Variants in NCKAP5 observed in about 807,000 individuals in gnomAD.
NCKAP5 encodes NCK associated protein 5, also known as nck-associated protein 5.
A neutral mutation model predicts 167.0 loss-of-function variants in NCKAP5; 92 were observed. The ratio of observed to expected loss-of-function variants is 0.55; its 90% CI spans 0.47 to 0.66. NCKAP5 has a LOEUF of 0.66. Ranked by LOEUF, NCKAP5 falls within the 30% of genes least tolerant of loss-of-function variation. NCKAP5 has a pLI of 0.00. For synonymous variants in NCKAP5, 891 were observed against 877.4 expected (o/e 1.02, Z -0.27); for missense variants, 2,378 against 2,315.0 (o/e 1.03, Z -0.56).
chr2:133,188,995 A>G (rs768600813), intron 5 of NCKAP5, among the ~76,000 whole-genome samples: 1 of 152,182 alleles, frequency 6.6e-6, no homozygotes, highest in Non-Finnish European at 1.5e-5. Flanking sequence ...TGAATCCAGG[A>G]GCTGGTTTTT....
At chr2:133,038,601 TA>T (rs1316531535) in intron 6 of NCKAP5, among the ~76,000 whole-genome samples, 6 of 152,150 alleles carry the variant, frequency 3.9e-5, no homozygotes, top group Admixed American at 6.6e-5. Context: ...ATTGCACATT[TA>T]AAAATAACCT....
intron 5 of NCKAP5, among the ~76,000 whole-genome samples, chr2:133,159,250 C>T (rs557339686): frequency 8.5e-5 from 13 of 152,174 alleles, no homozygotes; most frequent in African/African-American, 2.9e-4. Context: ...GGTTGGTCCC[C>T]GGTTAAAACA....
At chr2:133,390,359 T>C (rs763908440) in intron 3 of NCKAP5, among the ~76,000 whole-genome samples, 2 of 152,222 alleles carry the variant, frequency 1.3e-5, no homozygotes, top group Non-Finnish European at 2.9e-5. Flanking sequence ...CTGTTGAATG[T>C]GGCTATTATG....
At chr2:133,575,058 G>T in the NCKAP5 span, among the ~76,000 whole-genome samples, 1 of 152,304 alleles carries the variant, frequency 6.6e-6, no homozygotes, top group Non-Finnish European at 1.5e-5. Flanking sequence ...TTTCTCCCGG[G>T]AAAAATTGCC....
chr2:132,712,753 A>G (rs2566521), intron 19 of NCKAP5, among the ~76,000 whole-genome samples: 98,456 of 152,092 alleles, frequency 0.65, 31,977 homozygotes, highest in East Asian at 0.86. Flanking sequence ...GTAAGCACTT[A>G]CCATGTGCCA....
At chr2:133,661,609 T>C in the NCKAP5 span, among the ~76,000 whole-genome samples, 2 of 152,232 alleles carry the variant, frequency 1.3e-5, no homozygotes, top group Non-Finnish European at 2.9e-5. Flanking sequence ...GCTACCATAA[T>C]GCGATCCAGT....
intron 3 of NCKAP5, among the ~76,000 whole-genome samples, chr2:133,447,495 C>G (rs778600580): frequency 2.1e-5 from 3 of 141,398 alleles, no homozygotes; most frequent in African/African-American, 7.8e-5. Context: ...TTCCCCTTCT[C>G]TTCCCTTCCT....
chr2:133,132,982 C>T lies in NCKAP5; in HGVS notation c.208-2871G>A, dbSNP rs116185838. Among the ~76,000 whole-genome samples, 727 of 152,184 alleles carry T rather than the reference C, an allele frequency of 4.8e-3. 12 individuals carry two copies. The highest frequency in any genetic ancestry group is 0.017 in the African/African-American group (687 of 41,536). ...TTAGCCACCACGCCCAGCCTGTACC[C>T]AAATTTAAAAACAGGCTACACATAG... On this transcript the variant is annotated intron_variant, in intron 5 of 19. Transcript: ENST00000409261.
chr2:133,237,519 C>T (rs115701256), intron 4 of NCKAP5, among the ~76,000 whole-genome samples: 80 of 152,288 alleles, frequency 5.3e-4, no homozygotes, highest in Admixed American at 1.5e-3. Flanking sequence ...ATTAATTCCA[C>T]ACACACTTAT....
chr2:133,109,837 A>G (rs953539346), intron 6 of NCKAP5, among the ~76,000 whole-genome samples: 1 of 152,224 alleles, frequency 6.6e-6, no homozygotes, highest in African/African-American at 2.4e-5. Flanking sequence ...TCCCAAAATG[A>G]AGCACAGAAA....
chr2:133,009,398 T>C (rs945679653), intron 6 of NCKAP5, among the ~76,000 whole-genome samples: 4 of 152,170 alleles, frequency 2.6e-5, no homozygotes, highest in African/African-American at 7.2e-5. Context: ...CTTGTGTAGA[T>C]GGAAATTCCC....
chr2:132,692,169 G>A (rs1353730194), intron 19 of NCKAP5, among the ~76,000 whole-genome samples: 1 of 131,778 alleles, frequency 7.6e-6, no homozygotes, highest in African/African-American at 3.0e-5. Context: ...TTGAGACAGA[G>A]TCTCACTCTA....
chr2:133,192,206 T>G (rs2085256544), intron 5 of NCKAP5, among the ~76,000 whole-genome samples: 1 of 151,984 alleles, frequency 6.6e-6, no homozygotes, highest in Non-Finnish European at 1.5e-5. Flanking sequence ...AAAAACAGTC[T>G]TCAAAAAATA....
At chr2:133,340,969 T>C (rs1683538437) in intron 3 of NCKAP5, among the ~76,000 whole-genome samples, 1 of 152,204 alleles carries the variant, frequency 6.6e-6, no homozygotes, top group African/African-American at 2.4e-5. Context: ...GGTACTATTC[T>C]AGTCACCTGC....
At chr2:132,794,229 T>C (rs1235341645) in intron 12 of NCKAP5, among the ~76,000 whole-genome samples, 37 of 20,740 alleles carry the variant, frequency 1.8e-3, no homozygotes, top group African/African-American at 4.0e-3. Context: ...TATACATATA[T>C]ATATATATAT....
chr2:133,653,370 G>C, the NCKAP5 span, among the ~76,000 whole-genome samples: 8 of 152,100 alleles, frequency 5.3e-5, no homozygotes, highest in African/African-American at 1.7e-4. Flanking sequence ...TAAATGGGAA[G>C]GTTCTTCAAA....
chr2:133,046,449 G>T (rs1379065899), intron 6 of NCKAP5, among the ~76,000 whole-genome samples: 1 of 152,030 alleles, frequency 6.6e-6, no homozygotes, highest in African/African-American at 2.4e-5. Flanking sequence ...TGTGATCATG[G>T]CTCACTACAC....
At chr2:132,733,593 G>A (rs1691229513) in intron 16 of NCKAP5, among the ~76,000 whole-genome samples, 1 of 152,104 alleles carries the variant, frequency 6.6e-6, no homozygotes, top group Non-Finnish European at 1.5e-5. Flanking sequence ...AATAAAGAAT[G>A]GCAAAATGCA....
intron 2 of NCKAP5, among the ~76,000 whole-genome samples, chr2:133,523,413 C>G (rs942466203): frequency 6.6e-6 from 1 of 152,090 alleles, no homozygotes; most frequent in African/African-American, 2.4e-5. Context: ...CACTTCCCAT[C>G]CCTGCTTTCA....
Sources: gnomAD v4.1 joint callset for allele counts (sites outside exome capture counted in the v4.1 genomes callset) on GRCh38, gnomAD v4.1.1 for gene constraint, MANE v1.5 for transcripts, NCBI Gene and HGNC (gene_info 2026-07-23, HGNC 2026-07-21) for gene names.